The following AKAP4 variants were observed in gnomAD, a reference collection of about 807,000 sequenced individuals.
AKAP4 encodes the protein A-kinase anchor protein 4.
Under a neutral mutation model 42.6 loss-of-function variants are expected in AKAP4, and 4 were observed. The ratio of observed to expected loss-of-function variants is 0.09; its 90% CI spans 0.05 to 0.22. The LOEUF (loss-of-function observed/expected upper bound fraction) is 0.22. Ranked by LOEUF, AKAP4 falls within the 10% of genes least tolerant of loss-of-function variation. The pLI, the probability that AKAP4 is intolerant of heterozygous loss-of-function variation, is 1.00. For synonymous variants in AKAP4, 223 were observed against 233.0 expected (o/e 0.96, Z 0.39); for missense variants, 551 against 630.7 (o/e 0.87, Z 1.35).
At chrX:50,197,627 A>G (rs1557204493) in intron 2 of AKAP4, 33 bp from the exon 3 acceptor site, 1 of 1,156,953 alleles carries the variant, frequency 8.6e-7, no homozygotes, top group African/African-American at 1.8e-5. Flanking sequence ...ATTTAGAAAA[A>G]CTCTAGAGAA....
intron 1 of AKAP4, 42 bp from the exon 2 acceptor site, chrX:50,198,794 G>T: frequency 9.5e-7 from 1 of 1,054,605 alleles, no homozygotes. Flanking sequence ...CTTATATATG[G>T]TTTTTGGAAA....
rs1557203888 is a variant in AKAP4, at chrX:50,193,002, G to A, written c.1711C>T (p.Pro571Ser). The part of the protein sequence containing the change: ...KGKDTCEEDC[P>S]GSTMGYMAQS... ...GCCATATAGCCCATGGTGGAACCAG[G>A]ACAGTCTTCTTCACATGTATCTTTG... is the stretch of plus-strand genomic sequence containing the variant. The change falls in exon 5 of 6, where the codon CCT (proline) becomes TCT (serine). Residue 571 changes from proline (P) to serine (S), a missense_variant. Physicochemically the swap from Pro to Ser is moderately conservative, Grantham distance 74. Coordinates refer to ENST00000358526, the MANE Select transcript of AKAP4 (RefSeq NM_003886.3). 8 of 1,211,789 alleles carry A rather than the reference G, an allele frequency of 6.6e-6. No individual in the cohort carries two copies. The highest frequency in any genetic ancestry group is 8.9e-6 in the Non-Finnish European group (8 of 895,496).
At position 50,196,983 on chromosome X, in the gene AKAP4, T is replaced by C; in HGVS notation, c.184A>G (p.Ser62Gly). The stretch of plus-strand genomic sequence containing the variant: ...TTTAAGTTGCCTTCTGAGCTGGAAC[T>C]AGCAGCATCCTATGGAATTAAAGGG... ...VEDKDYKDAA[S>G]SSSEGNLNLG... The change falls in exon 4 of 6, where the codon AGT becomes GGT. Residue 62 changes from serine to glycine, a missense_variant. Transcript: ENST00000358526. The C allele has an allele frequency of 8.4e-7, 1 of 1,195,825 alleles. No homozygotes were observed. Among genetic ancestry groups the C allele is most frequent in the Non-Finnish European group, 1.1e-6 (1 of 880,821 alleles).
chrX:50,195,023 C>G (rs1281264857), intron 4 of AKAP4, among the ~76,000 whole-genome samples: 1 of 111,911 alleles, frequency 8.9e-6, no homozygotes, highest in African/African-American at 3.2e-5. Context: ...TTTCAGTAAT[C>G]TGCATATATG....
intron 5 of AKAP4, among the ~76,000 whole-genome samples, chrX:50,191,651 T>A (rs1269638524): frequency 1.7e-3 from 101 of 59,095 alleles, no homozygotes; most frequent in African/African-American, 6.3e-3. Flanking sequence ...TGTGTGTGTG[T>A]GTGTGTGTGA....
At chrX:50,200,801 T>C (rs1935255519) in intron 1 of AKAP4, 62 bp downstream of exon 1, 2 of 1,070,696 alleles carry the variant, frequency 1.9e-6, no homozygotes, top group African/African-American at 1.8e-5. Context: ...GCAGCTTCTG[T>C]AGTTTCACCT....
At chrX:50,200,760 G>A in intron 1 of AKAP4, 103 bp downstream of exon 1, 1 of 777,878 alleles carries the variant, frequency 1.3e-6, no homozygotes, top group Non-Finnish European at 1.9e-6. Flanking sequence ...CCAAATAAAA[G>A]TATGAAAATA....
chrX:50,193,283 C>T lies in AKAP4; in HGVS notation c.1430G>A (p.Arg477Lys). ...FSTMKAEMKE[R>K]DKGKMKSDPC... is the part of the protein sequence containing the mutation. ...GTCTGATTTCATTTTGCCTTTGTCC[C>T]TCTCTTTCATTTCAGCTTTCATGGT... Residue 477 changes from arginine (R) to lysine (K), a missense_variant, in exon 5 of 6, where the codon AGG becomes AAG. Transcript: ENST00000358526. 1 of 1,211,626 alleles carries T rather than the reference C, an allele frequency of 8.3e-7. No individual in the cohort carries two copies. Among genetic ancestry groups the T allele is most frequent in the Non-Finnish European group, 1.1e-6 (1 of 895,552 alleles).
At chrX:50,194,777 G>A (rs782625379) in intron 4 of AKAP4, among the ~76,000 whole-genome samples, 2 of 111,329 alleles carry the variant, frequency 1.8e-5, no homozygotes, top group African/African-American at 6.5e-5. Flanking sequence ...TCTCAAAGAC[G>A]TGAGAATGTG....
chrX:50,197,809 G>A (rs932238917), intron 2 of AKAP4, among the ~76,000 whole-genome samples: 13 of 111,812 alleles, frequency 1.2e-4, no homozygotes, highest in Non-Finnish European at 2.3e-4. Context: ...CAGAATCTTA[G>A]CATTAGCACA....
intron 4 of AKAP4, among the ~76,000 whole-genome samples, chrX:50,195,814 T>C (rs1935183262): frequency 9.0e-6 from 1 of 111,595 alleles, no homozygotes; most frequent in Admixed American, 9.6e-5. Context: ...TAAATTTATA[T>C]GTGTATACCT....
intron 4 of AKAP4, 25 bp downstream of exon 4, chrX:50,196,866 G>A (rs1557204406): frequency 3.7e-6 from 4 of 1,075,455 alleles, no homozygotes; most frequent in Non-Finnish European, 5.2e-6. Context: ...ATTAGAAGTG[G>A]TGGGATCTCA....
In AKAP4 at chrX:50,193,640, C is replaced by T. The variant is rs782654970; in HGVS notation, c.1073G>A (p.Gly358Glu). ...GACCACAGATGCTGGAATTGGCTTC[C>T]CAGAGCTGTGCACTTTCAAGGTCTT... ...LMKTLKVHSSGKPIPASVVLK... is the reference protein window; with the variant it reads ...LMKTLKVHSSEKPIPASVVLK... Residue 358 changes from glycine (G) to glutamate (E), a missense_variant, in exon 5 of 6, where the codon GGG (glycine) becomes GAG (glutamate). Gly to Glu is a moderately conservative substitution (Grantham distance 98). Transcript: ENST00000358526. 1 of 1,211,741 alleles carries T rather than the reference C, an allele frequency of 8.3e-7. No homozygotes were observed. Among genetic ancestry groups the T allele is most frequent in the Admixed American group, 2.2e-5 (1 of 46,043 alleles).
Position 50,193,541 on chromosome X carries a change from T to C in AKAP4, c.1172A>G (p.His391Arg), listed in dbSNP as rs1557203981. The C allele has an allele frequency of 8.3e-7, 1 of 1,211,862 alleles. No individual in the cohort carries two copies. The highest frequency in any genetic ancestry group is 1.1e-6 in the Non-Finnish European group (1 of 895,593). The change falls in exon 5 of 6, where the codon CAT (histidine) becomes CGT (arginine). Residue 391 changes from histidine (H) to arginine (R), a missense_variant. Physicochemically the swap from His to Arg is conservative, Grantham distance 29. Transcript: ENST00000358526. ...AGTCATCAGGACCCCAGTAATATTA[T>C]GCAGGTTCTTCATGCAAGAATCAAT... ...DLIDSCMKNL[H>R]NITGVLMTDS...
intron 5 of AKAP4, among the ~76,000 whole-genome samples, chrX:50,191,664 G>GAGACAA (rs1387375608): frequency 4.5e-5 from 1 of 22,464 alleles, no homozygotes; most frequent in Non-Finnish European, 9.7e-5. Context: ...GTGTGTGAGA[G>GAGACAA]AGAGAAAGAG....
rs1935162358 is a variant in AKAP4 at position 50,194,361 on chromosome X, G to C, written c.352C>G (p.Leu118Val). Residue 118 changes from leucine (L) to valine (V), a missense_variant, in exon 5 of 6, where the codon CTC becomes GTC. Leu to Val is a conservative substitution (Grantham distance 32). Transcript: ENST00000358526. Reference protein sequence around the residue: ...VSVLNWLLSDLQKYALGFQHA... With the variant: ...VSVLNWLLSDVQKYALGFQHA... ...TGGAAACCCAAGGCATACTTCTGGA[G>C]ATCACTGAGAAGCCAGTTGAGGACA... 8.3e-7 allele frequency: 1 copy of C among 1,206,800 alleles called. No individual in the cohort carries two copies. The highest frequency in any genetic ancestry group is 1.1e-6 in the Non-Finnish European group (1 of 894,440).
At position 50,191,082 on chromosome X, in the gene AKAP4, C is replaced by T. The variant is rs782658811; in HGVS notation, c.2443G>A (p.Gly815Arg). 5.0e-5 allele frequency: 61 copies of T among 1,208,647 alleles called. No individual in the cohort carries two copies. Among genetic ancestry groups the T allele is most frequent in the Non-Finnish European group, 1.7e-5 (15 of 894,730 alleles). ...TGAAGAAGACCTCCTACACTGTACC[C>T]CTTCTCTGCTGCTTTAGCTGAAACC... Reference protein sequence around the residue: ...PQVSAKAAEKGYSVGGLLQEV... With the variant: ...PQVSAKAAEKRYSVGGLLQEV... The change falls in exon 6 of 6, where the codon GGG becomes AGG. Residue 815 changes from glycine to arginine, a missense_variant. Coordinates refer to ENST00000358526, the MANE Select transcript of AKAP4 (RefSeq NM_003886.3).
Position 50,191,129 on chromosome X carries a change from AG to A in AKAP4, c.2410-15del. 1 of 1,205,408 alleles carries A rather than the reference AG, an allele frequency of 8.3e-7. No individual in the cohort carries two copies. Among genetic ancestry groups the A allele is most frequent in the African/African-American group, 1.7e-5 (1 of 57,504 alleles). On this transcript the variant is annotated splice_polypyrimidine_tract_variant and intron_variant, in intron 5 of 5. Transcript: ENST00000358526. ...AACCTGAGGAAGCTGTGGGGAAAAC[AG>A]AGCTAGTGTGAGTTGCGTGATGCTT...
chrX:50,192,226 C>T (rs1557203691), intron 5 of AKAP4, 78 bp downstream of exon 5: 1 of 874,590 alleles, frequency 1.1e-6, no homozygotes, highest in Non-Finnish European at 1.6e-6. Context: ...CTCGAATGAT[C>T]TTGGGCTCTA....
Sources: allele counts gnomAD v4.1 joint callset (sites outside exome capture counted in the v4.1 genomes callset), GRCh38; gene constraint gnomAD v4.1.1; transcripts MANE v1.5; gene names NCBI Gene and HGNC (gene_info 2026-07-23, HGNC 2026-07-21).